The following GARIN2 variants were observed in gnomAD, a reference collection of about 807,000 sequenced individuals.
GARIN2 encodes the protein golgi associated RAB2 interactor family member 2, also known as Golgi-associated RAB2 interactor protein 2.
At chr14:67,190,791 T>A in the GARIN2 span, among the ~76,000 whole-genome samples, 1 of 152,182 alleles carries the variant, frequency 6.6e-6, no homozygotes, top group Non-Finnish European at 1.5e-5. Context: ...GGACCTAGCC[T>A]AAAAATATGT....
chr14:67,195,456 C>T, the GARIN2 span, among the ~76,000 whole-genome samples: 6 of 152,264 alleles, frequency 3.9e-5, no homozygotes, highest in South Asian at 1.0e-3. Context: ...CTTTCGCTAT[C>T]CCAGCAGCCA....
the GARIN2 span, among the ~76,000 whole-genome samples, chr14:67,194,533 T>A: frequency 6.6e-6 from 1 of 151,750 alleles, no homozygotes; most frequent in Non-Finnish European, 1.5e-5. Context: ...CAAGACAGAG[T>A]TTTGCTCTGT....
the GARIN2 span, among the ~76,000 whole-genome samples, chr14:67,204,218 C>A: frequency 6.6e-6 from 1 of 152,132 alleles, no homozygotes; most frequent in Admixed American, 6.5e-5. Flanking sequence ...AGGTGAATTG[C>A]TTGAGCCCAG....
At chr14:67,216,846 G>A in the GARIN2 span, among the ~76,000 whole-genome samples, 1 of 152,104 alleles carries the variant, frequency 6.6e-6, no homozygotes, top group African/African-American at 2.4e-5. Flanking sequence ...GTCAATCCTG[G>A]AGAATATTCC....
At chr14:67,224,627 T>A in the GARIN2 span, 1 of 296,936 alleles carries the variant, frequency 3.4e-6, no homozygotes. Context: ...ACTTTTAAAT[T>A]TTTTTTTTTA....
the GARIN2 span, among the ~76,000 whole-genome samples, chr14:67,192,984 CTCTCTATATA>C: frequency 6.9e-6 from 1 of 144,044 alleles, no homozygotes; most frequent in Non-Finnish European, 1.5e-5. Context: ...AGATATAGAT[CTCTCTATATA>C]TCTCTATATA....
the GARIN2 span, among the ~76,000 whole-genome samples, chr14:67,228,026 T>C: frequency 6.6e-6 from 1 of 152,008 alleles, no homozygotes; most frequent in Non-Finnish European, 1.5e-5. Flanking sequence ...AAAAATCACC[T>C]GGATGTGGTG....
chr14:67,208,385 G>A, the GARIN2 span: 2 of 1,613,958 alleles, frequency 1.2e-6, no homozygotes, highest in South Asian at 2.2e-5. Flanking sequence ...GGAGATGAAG[G>A]ATAAGACCTC....
the GARIN2 span, chr14:67,200,027 A>C: frequency 3.2e-6 from 3 of 942,234 alleles, no homozygotes; most frequent in Non-Finnish European, 4.8e-6. Context: ...GGACATCCCC[A>C]TTCTGGACAC....
chr14:67,209,363 T>G, the GARIN2 span, among the ~76,000 whole-genome samples: 1 of 152,188 alleles, frequency 6.6e-6, no homozygotes, highest in Non-Finnish European at 1.5e-5. Flanking sequence ...AGATATTTTA[T>G]ACAGGTGGTC....
At chr14:67,220,746 C>T in the GARIN2 span, among the ~76,000 whole-genome samples, 2 of 152,144 alleles carry the variant, frequency 1.3e-5, no homozygotes, top group African/African-American at 4.8e-5. Flanking sequence ...CCTGATGCTT[C>T]TCAGTCTCGC....
chr14:67,203,382 C>T, the GARIN2 span: 18 of 1,101,900 alleles, frequency 1.6e-5, no homozygotes, highest in East Asian at 1.1e-4. Context: ...ATGACAATTG[C>T]GCCAGTGGAG....
chr14:67,193,222 A>G, the GARIN2 span, among the ~76,000 whole-genome samples: 3 of 138,808 alleles, frequency 2.2e-5, no homozygotes, highest in Non-Finnish European at 4.7e-5. Context: ...ACATCTATCT[A>G]TATATCTCTA....
At chr14:67,192,785 T>C in the GARIN2 span, among the ~76,000 whole-genome samples, 1 of 148,186 alleles carries the variant, frequency 6.7e-6, no homozygotes, top group South Asian at 2.1e-4. Context: ...TACATATATA[T>C]GTATGTGTGT....
the GARIN2 span, chr14:67,189,837 ATTTTTTTTTT>A: frequency 2.8e-5 from 3 of 108,096 alleles, no homozygotes; most frequent in Non-Finnish European, 5.4e-5. Context: ...ATTTTTTTTA[ATTTTTTTTTT>A]TTTTTTTTTT....
At chr14:67,215,263 G>C in the GARIN2 span, among the ~76,000 whole-genome samples, 1 of 152,134 alleles carries the variant, frequency 6.6e-6, no homozygotes, top group African/African-American at 2.4e-5. Flanking sequence ...CTTCTAGGGA[G>C]CTTTCTTCCA....
the GARIN2 span, among the ~76,000 whole-genome samples, chr14:67,216,953 C>CA: frequency 2.0e-5 from 3 of 152,010 alleles, no homozygotes. Context: ...GTTTAAATTC[C>CA]ATGTTTCTTT....
At chr14:67,217,416 T>C in the GARIN2 span, among the ~76,000 whole-genome samples, 1 of 152,226 alleles carries the variant, frequency 6.6e-6, no homozygotes, top group African/African-American at 2.4e-5. Flanking sequence ...TTTAAGGTTA[T>C]TAGTGATAGG....
the GARIN2 span, among the ~76,000 whole-genome samples, chr14:67,206,231 G>A: frequency 6.6e-6 from 1 of 152,020 alleles, no homozygotes; most frequent in East Asian, 1.9e-4. Context: ...GGGCACAGTG[G>A]CTCATGTCTG....
Sources: gnomAD v4.1 joint callset for allele counts (sites outside exome capture counted in the v4.1 genomes callset) on GRCh38, gnomAD v4.1.1 for gene constraint, MANE v1.5 for transcripts, NCBI Gene and HGNC (gene_info 2026-07-23, HGNC 2026-07-21) for gene names.